Variants in ZNF385D observed in about 807,000 individuals in gnomAD.
ZNF385D encodes zinc finger protein 385D, also known as zinc finger protein 659.
ZNF385D carries 15 observed loss-of-function variants against 35.8 expected under a neutral mutation model. That is an observed-to-expected ratio of 0.42 (90% CI 0.28 to 0.64). The LOEUF (loss-of-function observed/expected upper bound fraction) is 0.64, where lower values mean the gene tolerates loss of function less well. Ranked by LOEUF, ZNF385D falls within the 30% of genes least tolerant of loss-of-function variation. ZNF385D has a pLI of 0.23. For missense variants in ZNF385D, 474 were observed against 494.6 expected (o/e 0.96, Z 0.39); for synonymous variants, 212 against 186.8 (o/e 1.13, Z -1.10).
chr3:22,006,114 G>A (rs1696182044), intron 3 of ZNF385D, among the ~76,000 whole-genome samples: 1 of 151,994 alleles, frequency 6.6e-6, no homozygotes, highest in Admixed American at 6.5e-5. Flanking sequence ...ATGATGATCT[G>A]GGCTTAGATC....
chr3:21,993,194 A>T (rs568237959), intron 3 of ZNF385D, among the ~76,000 whole-genome samples: 49 of 152,226 alleles, frequency 3.2e-4, no homozygotes, highest in Admixed American at 8.5e-4. Context: ...TTTGACATTC[A>T]TATCTGTCTC....
intron 2 of ZNF385D, among the ~76,000 whole-genome samples, chr3:22,292,521 TGTGAG>T (rs1363876204): frequency 6.6e-6 from 1 of 152,086 alleles, no homozygotes; most frequent in Non-Finnish European, 1.5e-5. Context: ...TCTAGAACTA[TGTGAG>T]AGATTTTGTA....
At chr3:21,941,559 A>G (rs977502094) in intron 3 of ZNF385D, among the ~76,000 whole-genome samples, 4 of 130,532 alleles carry the variant, frequency 3.1e-5, no homozygotes, top group African/African-American at 6.1e-5. Flanking sequence ...ATGCAGTGGC[A>G]TGATCTCGGC....
intron 2 of ZNF385D, among the ~76,000 whole-genome samples, chr3:22,246,653 C>T (rs938704382): frequency 1.1e-4 from 17 of 152,108 alleles, no homozygotes; most frequent in South Asian, 1.0e-3. Flanking sequence ...AAAAAGAAAG[C>T]CTTAAGTGTC....
At chr3:21,734,259 G>A (rs369690674) in intron 1 of ZNF385D, among the ~76,000 whole-genome samples, 2 of 145,534 alleles carry the variant, frequency 1.4e-5, no homozygotes, top group East Asian at 4.1e-4. Context: ...TCCAGACTAG[G>A]CAGTAGGAAA....
At chr3:21,660,116 T>G (rs2066192703) in intron 2 of ZNF385D, among the ~76,000 whole-genome samples, 1 of 152,068 alleles carries the variant, frequency 6.6e-6, no homozygotes, top group South Asian at 2.1e-4. Context: ...TCTCTGTCTC[T>G]CTCTCTTTAT....
At chr3:21,769,794 A>C (rs2125607897) in intron 3 of ZNF385D, among the ~76,000 whole-genome samples, 1 of 138,884 alleles carries the variant, frequency 7.2e-6, no homozygotes, top group South Asian at 2.4e-4. Context: ...TCCTAAGCCA[A>C]AAGAAAAAAG....
chr3:22,043,493 T>C (rs79851017), intron 3 of ZNF385D, among the ~76,000 whole-genome samples: 2 of 152,192 alleles, frequency 1.3e-5, no homozygotes, highest in South Asian at 2.1e-4. Flanking sequence ...TGTAAACATA[T>C]TTACTTGTAT....
At chr3:21,766,579 T>A (rs2125599150) in intron 3 of ZNF385D, among the ~76,000 whole-genome samples, 1 of 152,220 alleles carries the variant, frequency 6.6e-6, no homozygotes, top group East Asian at 1.9e-4. Flanking sequence ...AAGATGCAAA[T>A]CTTGAGGGAG....
chr3:21,784,646 AT>A (rs1559619150), intron 3 of ZNF385D, among the ~76,000 whole-genome samples: 1 of 151,972 alleles, frequency 6.6e-6, no homozygotes, highest in Non-Finnish European at 1.5e-5. Flanking sequence ...TAATTAATTA[AT>A]TAATGTATTT....
intron 2 of ZNF385D, among the ~76,000 whole-genome samples, chr3:22,217,662 T>C (rs1203740553): frequency 6.6e-6 from 1 of 152,148 alleles, no homozygotes; most frequent in Non-Finnish European, 1.5e-5. Context: ...ATTAATAACA[T>C]TCTAAGGTAC....
At chr3:22,045,344 G>T (rs1698926629) in intron 3 of ZNF385D, among the ~76,000 whole-genome samples, 1 of 152,068 alleles carries the variant, frequency 6.6e-6, no homozygotes, top group Admixed American at 6.6e-5. Flanking sequence ...ATAAAAGCAT[G>T]GAAATATTCC....
At chr3:22,104,800 C>T (rs570579481) in intron 3 of ZNF385D, among the ~76,000 whole-genome samples, 3 of 152,248 alleles carry the variant, frequency 2.0e-5, no homozygotes, top group South Asian at 2.1e-4. Flanking sequence ...ACGAAGTATA[C>T]TACCTGAAAG....
chr3:21,531,178 TA>T (rs1214946856), intron 3 of ZNF385D, among the ~76,000 whole-genome samples: 2 of 152,208 alleles, frequency 1.3e-5, no homozygotes, highest in East Asian at 1.9e-4. Context: ...AATGCTTTTT[TA>T]AAAAAAGGCA....
At chr3:21,935,006 G>C (rs1362980113) in intron 3 of ZNF385D, among the ~76,000 whole-genome samples, 1 of 152,138 alleles carries the variant, frequency 6.6e-6, no homozygotes, top group Non-Finnish European at 1.5e-5. Flanking sequence ...GTGGTACTTA[G>C]TGCATTGGTA....
At chr3:21,614,447 G>A (rs1263242054) in intron 2 of ZNF385D, among the ~76,000 whole-genome samples, 2 of 152,302 alleles carry the variant, frequency 1.3e-5, no homozygotes, top group East Asian at 1.9e-4. Context: ...TAGAGATTTT[G>A]GAAGAATATA....
chr3:22,323,502 AT>A (rs1276059244), intron 2 of ZNF385D, among the ~76,000 whole-genome samples: 1 of 152,200 alleles, frequency 6.6e-6, no homozygotes, highest in Non-Finnish European at 1.5e-5. Context: ...ATGCTAACAC[AT>A]TGAGGTAAAT....
chr3:22,262,501 G>A (rs573839848), intron 2 of ZNF385D, among the ~76,000 whole-genome samples: 24 of 151,956 alleles, frequency 1.6e-4, no homozygotes, highest in African/African-American at 5.1e-4. Flanking sequence ...AAGTGCCTTA[G>A]GGACATGTAT....
intron 3 of ZNF385D, among the ~76,000 whole-genome samples, chr3:22,061,738 T>TC (rs970645233): frequency 2.4e-4 from 37 of 152,194 alleles, no homozygotes; most frequent in Admixed American, 9.2e-4. Flanking sequence ...TTCCTTCCTC[T>TC]CCCTTTGCCC....
Sources: allele counts gnomAD v4.1 joint callset (sites outside exome capture counted in the v4.1 genomes callset), GRCh38; gene constraint gnomAD v4.1.1; transcripts MANE v1.5; gene names NCBI Gene and HGNC (gene_info 2026-07-23, HGNC 2026-07-21).